The following ANKRD42 variants were observed in gnomAD, a reference collection of about 807,000 sequenced individuals.
The protein encoded by ANKRD42 is ankyrin repeat domain-containing protein 42.
Under a neutral mutation model 51.5 loss-of-function variants are expected in ANKRD42, and 43 were observed. That is an observed-to-expected ratio of 0.83 (90% CI 0.65 to 1.08). The LOEUF (loss-of-function observed/expected upper bound fraction) is 1.08. Ranked by LOEUF, ANKRD42 falls within the 50% of genes least tolerant of loss-of-function variation. ANKRD42 has a pLI of 0.00. For missense variants in ANKRD42, 608 were observed against 629.3 expected, an observed-to-expected ratio of 0.97 and a Z score of 0.36; for synonymous variants, 203 against 213.0, an observed-to-expected ratio of 0.95 and a Z score of 0.41.
intron 1 of ANKRD42, 36 bp downstream of exon 1, chr11:83,194,764 T>TTTTCTC (rs769506549): frequency 1.0e-5 from 16 of 1,535,034 alleles, no homozygotes; most frequent in Admixed American, 2.2e-5. Context: ...ATCTCTGTCG[T>TTTTCTC]ATTCCTTTTC....
intron 2 of ANKRD42, 46 bp from the exon 3 acceptor site, chr11:83,206,012 T>C: frequency 6.6e-7 from 1 of 1,508,404 alleles, no homozygotes; most frequent in Non-Finnish European, 9.2e-7. Flanking sequence ...GATAAAAATG[T>C]TAAAAACATC....
chr11:83,230,079 T>C (rs1863021254), intron 7 of ANKRD42, among the ~76,000 whole-genome samples: 1 of 152,196 alleles, frequency 6.6e-6, no homozygotes, highest in South Asian at 2.1e-4. Context: ...TATCAGATAG[T>C]CTCACTCTGT....
chr11:83,241,093 G>C (rs1420073092), intron 9 of ANKRD42, among the ~76,000 whole-genome samples, 159 bp downstream of exon 9: 1 of 152,156 alleles, frequency 6.6e-6, no homozygotes, highest in African/African-American at 2.4e-5. Flanking sequence ...TTTGTACTAG[G>C]GTTGTTGAAC....
At chr11:83,205,069 G>A (rs1336707803) in intron 2 of ANKRD42, among the ~76,000 whole-genome samples, 1 of 152,210 alleles carries the variant, frequency 6.6e-6, no homozygotes, top group African/African-American at 2.4e-5. Context: ...TGGGAATGTA[G>A]AGAGGTACAG....
chr11:83,207,203 A>C (rs7111554), intron 3 of ANKRD42, among the ~76,000 whole-genome samples: 3,212 of 152,262 alleles, frequency 0.021, 119 homozygotes, highest in African/African-American at 0.07. Flanking sequence ...TATCATGAGA[A>C]TAGCATGGGG....
At chr11:83,239,630 T>G (rs963268735) in intron 8 of ANKRD42, among the ~76,000 whole-genome samples, 2 of 149,410 alleles carry the variant, frequency 1.3e-5, no homozygotes, top group African/African-American at 5.0e-5. Context: ...TCTAGACTAT[T>G]TGTTTAAAAG....
At chr11:83,203,145 C>T (rs1029970954) in intron 2 of ANKRD42, among the ~76,000 whole-genome samples, 9 of 151,890 alleles carry the variant, frequency 5.9e-5, no homozygotes, top group African/African-American at 2.2e-4. Flanking sequence ...GTGCATGTGC[C>T]ACCATACCTG....
chr11:83,198,083 G>A (rs548028734), intron 1 of ANKRD42, among the ~76,000 whole-genome samples: 1 of 152,190 alleles, frequency 6.6e-6, no homozygotes, highest in African/African-American at 2.4e-5. Context: ...CTCATTCTTT[G>A]GCTAGTATGT....
chr11:83,203,105 C>T (rs1390178390), intron 2 of ANKRD42, among the ~76,000 whole-genome samples: 1 of 151,610 alleles, frequency 6.6e-6, no homozygotes, highest in Non-Finnish European at 1.5e-5. Context: ...AGCTCTCCCA[C>T]CTCAGCCTCT....
intron 11 of ANKRD42, among the ~76,000 whole-genome samples, chr11:83,255,557 A>G (rs1863754898): frequency 6.6e-6 from 1 of 152,204 alleles, no homozygotes; most frequent in Admixed American, 6.5e-5. Flanking sequence ...TAATGAGATA[A>G]GACGGAAAAT....
chr11:83,237,461 C>T (rs1288131879), intron 8 of ANKRD42, among the ~76,000 whole-genome samples: 2 of 152,152 alleles, frequency 1.3e-5, no homozygotes, highest in East Asian at 3.9e-4. Flanking sequence ...TGTAAGACAA[C>T]ACCTTATATG....
At chr11:83,227,918 G>A (rs919899148) in intron 7 of ANKRD42, 46 bp downstream of exon 7, 1 of 1,539,870 alleles carries the variant, frequency 6.5e-7, no homozygotes, top group African/African-American at 1.4e-5. Context: ...TAGCTGCTGA[G>A]TTATTCATCT....
rs922719210 is a variant in ANKRD42, at chr11:83,240,810, T to C, written c.1071T>C (p.Asp357=). ...TGTTAGAGGAGCTACAGAAATATGA[T>C]ATAGATGACGAAAATGAAATTGATG... ...VKLLEELQKY[D]IDDENEIDEN... is the part of the protein sequence containing the mutation. Residue 357 remains aspartate (D), a synonymous_variant, in exon 9 of 11, where the codon GAT becomes GAC. Transcript: ENST00000533342. 5.0e-6 allele frequency: 8 copies of C among 1,614,100 alleles called. No homozygotes were observed. Among genetic ancestry groups the C allele is most frequent in the Non-Finnish European group, 6.8e-6 (8 of 1,179,988 alleles).
At chr11:83,228,864 T>G (rs997756277) in intron 7 of ANKRD42, among the ~76,000 whole-genome samples, 9 of 152,152 alleles carry the variant, frequency 5.9e-5, no homozygotes. Context: ...CCATTTCTGC[T>G]GGCCATCCAG....
At chr11:83,230,518 T>C (rs994132606) in intron 7 of ANKRD42, among the ~76,000 whole-genome samples, 1 of 152,202 alleles carries the variant, frequency 6.6e-6, no homozygotes, top group African/African-American at 2.4e-5. Context: ...TTTGTCTTTG[T>C]GTGCCTGGCT....
At chr11:83,229,115 T>C (rs764028724) in intron 7 of ANKRD42, among the ~76,000 whole-genome samples, 2 of 151,990 alleles carry the variant, frequency 1.3e-5, no homozygotes, top group African/African-American at 2.4e-5. Flanking sequence ...AGGTTTGGTT[T>C]TTTTTGAGGC....
chr11:83,259,402 T>A (rs1863835903), downstream of ANKRD42: 1 of 152,342 alleles, frequency 6.6e-6, no homozygotes, highest in African/African-American at 2.4e-5. Context: ...GGTATGCATA[T>A]TTCTATTCTT....
intron 5 of ANKRD42, among the ~76,000 whole-genome samples, chr11:83,217,558 C>T (rs1862580515): frequency 6.6e-6 from 1 of 152,164 alleles, no homozygotes; most frequent in African/African-American, 2.4e-5. Flanking sequence ...GGAGGAAGTC[C>T]ACTTCCTGGC....
At chr11:83,220,799 G>A (rs562981067) in intron 5 of ANKRD42, among the ~76,000 whole-genome samples, 1 of 152,182 alleles carries the variant, frequency 6.6e-6, no homozygotes, top group East Asian at 1.9e-4. Flanking sequence ...TATTGTTTCT[G>A]CTTTTAAGAT....
Sources: gnomAD v4.1 joint callset for allele counts (sites outside exome capture counted in the v4.1 genomes callset) on GRCh38, gnomAD v4.1.1 for gene constraint, MANE v1.5 for transcripts, NCBI Gene and HGNC (gene_info 2026-07-23, HGNC 2026-07-21) for gene names.